The following MYO1E variants were observed in gnomAD, a reference collection of about 807,000 sequenced individuals.
MYO1E encodes unconventional myosin-Ie.
Under a neutral mutation model 151.1 loss-of-function variants are expected in MYO1E, and 68 were observed. The ratio of observed to expected loss-of-function variants is 0.45; its 90% confidence interval spans 0.37 to 0.55. MYO1E has a LOEUF of 0.55. Among genes scored for constraint, MYO1E ranks in the 20% least tolerant of loss-of-function variants. The pLI is 0.00. For synonymous variants in MYO1E, 601 were observed against 501.7 expected (o/e 1.20, Z -2.64); for missense variants, 1,363 against 1,389.3 (o/e 0.98, Z 0.30).
chr15:59,216,151 G>T (rs2079912858), intron 10 of MYO1E, among the ~76,000 whole-genome samples: 1 of 152,102 alleles, frequency 6.6e-6, no homozygotes, highest in Non-Finnish European at 1.5e-5. Context: ...CTTTTGGATT[G>T]AATGGCCCCC....
At chr15:59,365,956 C>T (rs535427496) in intron 1 of MYO1E, among the ~76,000 whole-genome samples, 57 of 152,012 alleles carry the variant, frequency 3.7e-4, no homozygotes, top group African/African-American at 1.4e-3. Context: ...AAAAATAAGG[C>T]CCTCCCTCCT....
intron 1 of MYO1E, among the ~76,000 whole-genome samples, chr15:59,367,202 A>G (rs1305606013): frequency 2.0e-5 from 3 of 152,222 alleles, no homozygotes; most frequent in Admixed American, 2.0e-4. Context: ...CTCATGAGGA[A>G]ACGCAAGGTA....
chr15:59,303,647 A>C (rs1408979469), intron 1 of MYO1E, among the ~76,000 whole-genome samples: 1 of 152,276 alleles, frequency 6.6e-6, no homozygotes, highest in Non-Finnish European at 1.5e-5. Flanking sequence ...AGTAAGCAGC[A>C]TAATCCCACA....
intron 4 of MYO1E, among the ~76,000 whole-genome samples, chr15:59,249,017 G>C (rs1179561466): frequency 6.6e-6 from 1 of 152,196 alleles, no homozygotes; most frequent in Admixed American, 6.5e-5. Flanking sequence ...TCTACCCAAG[G>C]CTGCTCAACT....
intron 16 of MYO1E, among the ~76,000 whole-genome samples, chr15:59,201,091 G>T (rs1301082262): frequency 2.7e-5 from 4 of 150,932 alleles, no homozygotes. Flanking sequence ...GATTGTGTGT[G>T]ACACAATGAC....
intron 1 of MYO1E, among the ~76,000 whole-genome samples, chr15:59,277,779 G>T (rs189557879): frequency 1.2e-4 from 18 of 152,314 alleles, no homozygotes; most frequent in East Asian, 9.6e-4. Context: ...TGCATGTCCT[G>T]ATATGGAAAG....
At chr15:59,204,596 G>A (rs1488676965) in intron 15 of MYO1E, among the ~76,000 whole-genome samples, 1 of 152,176 alleles carries the variant, frequency 6.6e-6, no homozygotes, top group Non-Finnish European at 1.5e-5. Flanking sequence ...TCAGGGAAAA[G>A]GGGAGGAAGG....
In MYO1E at chr15:59,207,943, G is replaced by T. The variant is rs765900999; in HGVS notation, c.1530+738C>A. The T allele has an allele frequency of 3.7e-6, 6 of 1,613,986 alleles. No individual in the cohort carries two copies. In the Admixed American group the frequency reaches 1.0e-4, roughly 27 times the overall value. Reference sequence around the variant, plus strand: ...TAAGGGCCTCTATGGAATAGATGAAGAAGTATTCCTCAGTATTCCTTGTAT... The same window carrying T: ...TAAGGGCCTCTATGGAATAGATGAATAAGTATTCCTCAGTATTCCTTGTAT... On this transcript the variant is annotated intron_variant, in intron 14 of 27. Transcript: ENST00000288235.
chr15:59,141,468 T>C (rs2079408788), intron 26 of MYO1E, among the ~76,000 whole-genome samples: 1 of 152,208 alleles, frequency 6.6e-6, no homozygotes, highest in African/African-American at 2.4e-5. Flanking sequence ...TATACTATAT[T>C]GTTTAGGGAA....
chr15:59,233,087 T>A (rs1245251539), intron 5 of MYO1E, among the ~76,000 whole-genome samples: 1 of 129,398 alleles, frequency 7.7e-6, no homozygotes, highest in Admixed American at 8.4e-5. Flanking sequence ...CTATTTTGAG[T>A]TTGTGGATCT....
chr15:59,220,987 TTATATATATAATTATATATATAA>T (rs2079951784), intron 9 of MYO1E, among the ~76,000 whole-genome samples: 1 of 144,350 alleles, frequency 6.9e-6, no homozygotes, highest in African/African-American at 2.5e-5. Context: ...TCATCTCACA[TTATATATATAATTATATATATAA>T]TATATATATA....
intron 8 of MYO1E, among the ~76,000 whole-genome samples, chr15:59,224,018 G>A (rs2079972178): frequency 6.6e-6 from 1 of 152,174 alleles, no homozygotes; most frequent in African/African-American, 2.4e-5. Context: ...GCTCAGTTCT[G>A]GATCTGGGTT....
chr15:59,338,159 C>CT (rs142803243), intron 1 of MYO1E, among the ~76,000 whole-genome samples: 3,413 of 124,416 alleles, frequency 0.027, 128 homozygotes, highest in African/African-American at 0.094. Context: ...GTGTTCAAGT[C>CT]TAAAAAAAAA....
intron 25 of MYO1E, among the ~76,000 whole-genome samples, 178 bp downstream of exon 25, chr15:59,158,109 A>G (rs1469487411): frequency 1.3e-5 from 2 of 152,098 alleles, no homozygotes; most frequent in African/African-American, 4.8e-5. Flanking sequence ...ACTGACTCCT[A>G]TTTTTCTGAA....
chr15:59,171,896 C>G lies in MYO1E; in HGVS notation c.2480+1G>C. Reference sequence around the variant, plus strand: ...CCTGCCTCTGCACCTCCACTACTCACCTGAGGGACACAGACAAGATCCGTT... The same window carrying G: ...CCTGCCTCTGCACCTCCACTACTCAGCTGAGGGACACAGACAAGATCCGTT... On this transcript the variant is annotated splice_donor_variant, in intron 22 of 27. Transcript: ENST00000288235. LOFTEE classifies it high-confidence loss of function. The G allele has an allele frequency of 6.2e-7, 1 of 1,614,214 alleles. No individual in the cohort carries two copies. Among genetic ancestry groups the G allele is most frequent in the Non-Finnish European group, 8.5e-7 (1 of 1,180,032 alleles).
At chr15:59,239,821 G>A (rs2080089338) in intron 4 of MYO1E, among the ~76,000 whole-genome samples, 1 of 152,178 alleles carries the variant, frequency 6.6e-6, no homozygotes, top group Admixed American at 6.6e-5. Context: ...AGAGGCTGGT[G>A]AGTTGGTCAA....
rs2080956289 is a variant in MYO1E at position 59,372,760 on chromosome 15, G to C, written c.-260C>G. The C allele has an allele frequency of 7.4e-6, 4 of 538,268 alleles. No individual in the cohort carries two copies. Among genetic ancestry groups the C allele is most frequent in the East Asian group, 3.3e-5 (1 of 30,536 alleles). 33.3% of individuals were successfully genotyped at this position (538,268 alleles called of 1,614,324 possible). ...GGAGGGCAAGAGTCCACTCGTACTC[G>C]CCGGTCGCCGCCGGCCCAGGTGAGT... On this transcript the variant is annotated 5_prime_UTR_variant, in exon 1 of 28. Transcript: ENST00000288235.
At chr15:59,204,321 A>G (rs560295808) in intron 15 of MYO1E, among the ~76,000 whole-genome samples, 6 of 152,346 alleles carry the variant, frequency 3.9e-5, no homozygotes, top group Non-Finnish European at 8.8e-5. Flanking sequence ...AGAACAGCTG[A>G]CCAGGGCCTG....
intron 1 of MYO1E, among the ~76,000 whole-genome samples, chr15:59,372,003 C>T (rs1448845868): frequency 2.7e-5 from 4 of 149,860 alleles, no homozygotes; most frequent in South Asian, 2.1e-4. Flanking sequence ...CAGCTGCGGG[C>T]GCTGCCGGGC....
Sources: allele counts gnomAD v4.1 joint callset (sites outside exome capture counted in the v4.1 genomes callset), GRCh38; gene constraint gnomAD v4.1.1; transcripts MANE v1.5; gene names NCBI Gene and HGNC (gene_info 2026-07-23, HGNC 2026-07-21).